The following CSF2RA variants were observed in gnomAD, a reference collection of about 807,000 sequenced individuals.
CSF2RA encodes the protein colony stimulating factor 2 receptor subunit alpha.
In CSF2RA, 42 loss-of-function variants were observed where a neutral mutation model predicts 51.6. The observed-to-expected ratio is 0.81, with a 90% CI of 0.64 to 1.05. CSF2RA has a LOEUF of 1.05. Among genes scored for constraint, CSF2RA ranks in the 50% least tolerant of loss-of-function variants. The pLI is 0.00. For missense variants in CSF2RA, 530 were observed against 501.1 expected (o/e 1.06, Z -0.55); for synonymous variants, 222 against 193.0 (o/e 1.15, Z -1.24).
Position 1,288,741 on chromosome X carries a change from G to C in CSF2RA, c.344-18G>C. The C allele has an allele frequency of 1.9e-6, 3 of 1,613,838 alleles. No individual in the cohort carries two copies. Among genetic ancestry groups the C allele is most frequent in the Non-Finnish European group, 1.7e-6 (2 of 1,179,842 alleles). ...TGAACTTCGGAGTGAAAATTATTTT[G>C]TTTCTACCTCTTCCCAGGAAGGGAG... On this transcript the variant is annotated intron_variant, in intron 5 of 12. Coordinates refer to ENST00000381529, the MANE Select transcript of CSF2RA (RefSeq NM_172245.4).
chrX:1,308,223 T>C (rs2083874757), intron 12 of CSF2RA, among the ~76,000 whole-genome samples: 1 of 152,114 alleles, frequency 6.6e-6, no homozygotes, highest in Non-Finnish European at 1.5e-5. Context: ...AACTGGGGAC[T>C]GTAGCCTAGT....
the CSF2RA span, among the ~76,000 whole-genome samples, chrX:1,316,025 T>TAG: frequency 2.6e-4 from 24 of 92,554 alleles, no homozygotes; most frequent in African/African-American, 8.2e-4. Context: ...TATAGATAGA[T>TAG]ACATAGATAG....
rs368547679 is a variant in CSF2RA at position 1,309,527 on chromosome X, C to T, written c.*48C>T. On this transcript the variant is annotated 3_prime_UTR_variant, in exon 13 of 13. Transcript: ENST00000381529. ...CATGGACATCTCCGCCTCCGCGACA[C>T]GGGGGAACTGTTTTCTTGATGATGC... The T allele has an allele frequency of 5.2e-5, 84 of 1,613,934 alleles. 1 individual carries two copies. Among genetic ancestry groups the T allele is most frequent in the Middle Eastern group, 5.0e-4 (3 of 6,056 alleles).
At chrX:1,317,246 C>CTTTTTTTTTTT in the CSF2RA span, among the ~76,000 whole-genome samples, 37 of 57,832 alleles carry the variant, frequency 6.4e-4, no homozygotes, top group African/African-American at 1.3e-3. Flanking sequence ...CCACGCTCAG[C>CTTTTTTTTTTT]TTTTTTTTTT....
intron 7 of CSF2RA, among the ~76,000 whole-genome samples, chrX:1,292,887 A>C (rs2091533704): frequency 6.6e-6 from 1 of 151,746 alleles, no homozygotes; most frequent in African/African-American, 2.4e-5. Flanking sequence ...TTCCCTTCCC[A>C]CGAGGCCATA....
intron 12 of CSF2RA, among the ~76,000 whole-genome samples, chrX:1,308,339 A>C (rs778270400): frequency 6.6e-6 from 1 of 152,240 alleles, no homozygotes; most frequent in South Asian, 2.1e-4. Context: ...AGATGGAGAT[A>C]GAGACCCAGA....
chrX:1,286,882 C>T (rs1388130515), intron 4 of CSF2RA, among the ~76,000 whole-genome samples: 1 of 151,688 alleles, frequency 6.6e-6, no homozygotes, highest in Non-Finnish European at 1.5e-5. Flanking sequence ...GTCCTGGTTC[C>T]CCAAGGGATT....
chrX:1,316,007 G>GATAT, the CSF2RA span, among the ~76,000 whole-genome samples: 1 of 139,584 alleles, frequency 7.2e-6, no homozygotes, highest in African/African-American at 2.6e-5. Flanking sequence ...TAGACAGATA[G>GATAT]ATAGATATAT....
chrX:1,286,495 G>C (rs1308437377), intron 4 of CSF2RA, among the ~76,000 whole-genome samples: 1 of 151,922 alleles, frequency 6.6e-6, no homozygotes, highest in Non-Finnish European at 1.5e-5. Context: ...CTGAAACTCG[G>C]GAGGCGGAGG....
At chrX:1,314,904 AACCCCACTTCACCTGC>A (rs2084480069), downstream of CSF2RA, among the ~76,000 whole-genome samples, 1 of 93,788 alleles carries the variant, frequency 1.1e-5, no homozygotes, top group Admixed American at 1.1e-4. Flanking sequence ...GAACCTGCTC[AACCCCACTTCACCTGC>A]CCAACCGCAC....
chrX:1,300,301 C>G (rs1331354220), intron 9 of CSF2RA, 190 bp from the exon 10 acceptor site: 1 of 654,952 alleles, frequency 1.5e-6, no homozygotes, highest in South Asian at 2.0e-5. Context: ...CATCGAAATA[C>G]TAACGAGGCT....
intron 9 of CSF2RA, among the ~76,000 whole-genome samples, chrX:1,295,981 C>T (rs1429450888): frequency 7.6e-4 from 114 of 149,548 alleles, no homozygotes; most frequent in Middle Eastern, 3.5e-3. Context: ...CCCCTACTCA[C>T]GACCCCCGGA....
intron 2 of CSF2RA, among the ~76,000 whole-genome samples, chrX:1,275,080 G>A (rs1193038608): frequency 1.1e-4 from 12 of 112,170 alleles, no homozygotes; most frequent in Admixed American, 5.3e-4. Context: ...AGAGACGCAT[G>A]AACCTGTCAA....
rs779903814 is a variant in CSF2RA at position 1,287,592 on chromosome X, C to T, written c.220-927C>T. Among the ~76,000 whole-genome samples, 519 of 131,818 alleles carry T rather than the reference C, an allele frequency of 3.9e-3. 12 individuals are homozygous for T. The highest frequency in any genetic ancestry group is 0.029 in the Admixed American group (379 of 13,058). 86.5% of individuals were successfully genotyped at this position (131,818 alleles called of 152,430 possible). ...CTGAGTAGCTGGGATTACAGGTGCC[C>T]ACCACCACACCTGGCTAATTTTTGT... On this transcript the variant is annotated intron_variant, in intron 4 of 12. Coordinates refer to ENST00000381529, the MANE Select transcript of CSF2RA (RefSeq NM_172245.4).
rs28762968 is a variant in CSF2RA at position 1,294,596 on chromosome X, G to A, written c.780+135G>A. The A allele has an allele frequency of 0.24, 277,573 of 1,148,850 alleles. 35,194 individuals are homozygous for A. Among genetic ancestry groups the A allele is most frequent in the Middle Eastern group, 0.32 (1,129 of 3,514 alleles). The allele number at this position is 1,148,850 out of a possible 1,614,324, so 71.2% of individuals were successfully genotyped here. On this transcript the variant is annotated intron_variant, in intron 8 of 12. Coordinates refer to ENST00000381529, the MANE Select transcript of CSF2RA (RefSeq NM_172245.4). The stretch of plus-strand genomic sequence containing the variant: ...GGTGAGCGGTGACTCTGGGGTGAAC[G>A]CACTTCGGGTAGCGGAGGAAGAGGT...
At chrX:1,305,179 A>T (rs1295705443) in intron 11 of CSF2RA, among the ~76,000 whole-genome samples, 1 of 150,076 alleles carries the variant, frequency 6.7e-6, no homozygotes, top group Non-Finnish European at 1.5e-5. Flanking sequence ...TTTTTAGTAG[A>T]GACGGGGTTT....
chrX:1,290,633 G>A, intron 7 of CSF2RA, 124 bp downstream of exon 7: 2 of 976,592 alleles, frequency 2.0e-6, no homozygotes, highest in Non-Finnish European at 3.3e-6. Context: ...GGGAGGCCGA[G>A]GCGGGCCGAT....
chrX:1,294,565 G>A (rs1457324601), intron 8 of CSF2RA, 104 bp downstream of exon 8: 10 of 1,458,718 alleles, frequency 6.9e-6, no homozygotes, highest in African/African-American at 5.6e-5. Flanking sequence ...GGAAGGATGC[G>A]TGGGTGGTGA....
intron 10 of CSF2RA, among the ~76,000 whole-genome samples, chrX:1,301,632 CT>C (rs1422949799): frequency 3.1e-5 from 4 of 130,604 alleles, no homozygotes; most frequent in Non-Finnish European, 4.7e-5. Context: ...GCGTTTCGCT[CT>C]TGTCGCAGGC....
Sources: allele counts gnomAD v4.1 joint callset (sites outside exome capture counted in the v4.1 genomes callset), GRCh38; gene constraint gnomAD v4.1.1; transcripts MANE v1.5; gene names NCBI Gene and HGNC (gene_info 2026-07-23, HGNC 2026-07-21).